DOCK11: variants seen among roughly 807,000 people sequenced by gnomAD.
The protein encoded by DOCK11 is dedicator of cytokinesis protein 11.
A neutral mutation model predicts 169.1 loss-of-function variants in DOCK11; 70 were observed. That is an observed-to-expected ratio of 0.41 (90% CI 0.34 to 0.51). The LOEUF (loss-of-function observed/expected upper bound fraction) is 0.51, where lower values mean the gene tolerates loss of function less well. Ranked by LOEUF, DOCK11 falls within the 20% of genes least tolerant of loss-of-function variation. DOCK11 has a pLI of 0.10. For synonymous variants in DOCK11, 529 were observed against 541.3 expected, an observed-to-expected ratio of 0.98 and a Z score of 0.32; for missense variants, 1,166 against 1,538.8, an observed-to-expected ratio of 0.76 and a Z score of 4.05.
chrX:118,496,073 G>A lies in DOCK11; in HGVS notation c.102G>A (p.Leu34=), dbSNP rs1262941753. The A allele has an allele frequency of 2.9e-6, 3 of 1,028,299 alleles. No homozygotes were observed. Among genetic ancestry groups the A allele is most frequent in the Non-Finnish European group, 3.7e-6 (3 of 806,634 alleles). 84.7% of individuals were successfully genotyped at this position (1,028,299 alleles called of 1,213,427 possible). ...AGGCCGTGCGGGGCTCCGTGGTGCTGGTGAGTGGCCGGGGGACGGGGCATC... is the reference window on the plus strand; with the variant it reads ...AGGCCGTGCGGGGCTCCGTGGTGCTAGTGAGTGGCCGGGGGACGGGGCATC... The part of the protein sequence containing the change: ...VSEAVRGSVV[L]EKAKVVEPLD... Residue 34 remains leucine, a splice_region_variant and synonymous_variant, in exon 1 of 53, where the codon CTG becomes CTA. Coordinates refer to ENST00000276202, the MANE Select transcript of DOCK11 (RefSeq NM_144658.4).
intron 45 of DOCK11, among the ~76,000 whole-genome samples, chrX:118,670,537 A>C (rs915558554): frequency 9.0e-6 from 1 of 111,584 alleles, no homozygotes. Flanking sequence ...AAAAACTAAA[A>C]AAATTTAAAA....
At chrX:118,507,788 T>G (rs776037668) in intron 1 of DOCK11, among the ~76,000 whole-genome samples, 1 of 111,959 alleles carries the variant, frequency 8.9e-6, no homozygotes, top group African/African-American at 3.2e-5. Flanking sequence ...ACCCCTCTTC[T>G]GTAAGTGGGG....
rs1470073870 is a variant in DOCK11 at position 118,572,569 on chromosome X, A to G, written c.1176+106A>G. On this transcript the variant is annotated intron_variant, in intron 11 of 52. Transcript: ENST00000276202. ...CCTCCGTGACATGCAATTTACCTATATAACAAACCTGCACATGTACTCCTG... is the reference window on the plus strand; with the variant it reads ...CCTCCGTGACATGCAATTTACCTATGTAACAAACCTGCACATGTACTCCTG... 5 of 745,803 alleles carry G rather than the reference A, an allele frequency of 6.7e-6. No individual in the cohort carries two copies. In the Admixed American group the frequency reaches 1.0e-4, roughly 15 times the overall value. The allele number at this position is 745,803 out of a possible 1,213,427, so 61.5% of individuals were successfully genotyped here. A position where few individuals can be genotyped will look rare whatever the true frequency, so the allele number is the denominator to read the frequency against.
chrX:118,663,674 C>CTTTT lies in DOCK11; in HGVS notation c.5076+901_5076+904dup, dbSNP rs751159854. Among the ~76,000 whole-genome samples the CTTTT allele has an allele frequency of 4.6e-3, 278 of 60,018 alleles. 5 individuals carry two copies. The highest frequency in any genetic ancestry group is 0.031 in the South Asian group (20 of 639). The allele number at this position is 60,018 out of a possible 115,157, so 52.1% of individuals were successfully genotyped here. A position where few individuals can be genotyped will look rare whatever the true frequency, so the allele number is the denominator to read the frequency against. ...TAGAATATTAAATTGGCATCAAAGTCTTTTTTTTTTTTTTTTTTTTTTATG... is the reference window on the plus strand; with the variant it reads ...TAGAATATTAAATTGGCATCAAAGTCTTTTTTTTTTTTTTTTTTTTTTTTTTATG... On this transcript the variant is annotated intron_variant, in intron 45 of 52. Coordinates refer to ENST00000276202, the MANE Select transcript of DOCK11 (RefSeq NM_144658.4).
chrX:118,530,497 C>T (rs1438309331), intron 1 of DOCK11, among the ~76,000 whole-genome samples: 1 of 112,478 alleles, frequency 8.9e-6, no homozygotes, highest in Admixed American at 9.4e-5. Flanking sequence ...ATGTGGTCCT[C>T]CATAAACGTT....
At chrX:118,675,001 C>T (rs1444612551) in intron 46 of DOCK11, among the ~76,000 whole-genome samples, 1 of 111,310 alleles carries the variant, frequency 9.0e-6, no homozygotes, top group African/African-American at 3.3e-5. Flanking sequence ...GGTCATTTGC[C>T]CATTTTTAAA....
intron 46 of DOCK11, among the ~76,000 whole-genome samples, chrX:118,672,497 A>G (rs764999736): frequency 2.1e-4 from 24 of 112,771 alleles, no homozygotes; most frequent in African/African-American, 7.1e-4. Context: ...CAGTGGCGCT[A>G]TCTCGGCTCA....
intron 20 of DOCK11, among the ~76,000 whole-genome samples, chrX:118,594,349 G>A (rs2014093148): frequency 1.8e-5 from 2 of 111,978 alleles, no homozygotes; most frequent in Admixed American, 1.9e-4. Flanking sequence ...CATACAGGTT[G>A]AGCATCCCAA....
At chrX:118,550,362 CT>C (rs939371521) in intron 6 of DOCK11, among the ~76,000 whole-genome samples, 4 of 110,544 alleles carry the variant, frequency 3.6e-5, no homozygotes, top group Non-Finnish European at 5.7e-5. Context: ...TCACTTCAGC[CT>C]GGGAGGTCGA....
chrX:118,592,329 CTG>C (rs1382588434), intron 19 of DOCK11, among the ~76,000 whole-genome samples: 1 of 86,848 alleles, frequency 1.2e-5, no homozygotes, highest in Non-Finnish European at 2.3e-5. Context: ...GCCACTCTAA[CTG>C]GTGTGAGTTG....
chrX:118,531,412 C>CAAA lies in DOCK11; in HGVS notation c.103-11276_103-11274dup, dbSNP rs60932296. On this transcript the variant is annotated intron_variant, in intron 1 of 52. Transcript: ENST00000276202. ...TCGGGGCTGCAGTGAGCCATATACT[C>CAAA]AAAAAAAAAAAAAAAAAAAAAAAAA... Among the ~76,000 whole-genome samples, 16 of 29,205 alleles carry CAAA rather than the reference C, an allele frequency of 5.5e-4. 3 individuals carry two copies. Among genetic ancestry groups the CAAA allele is most frequent in the Admixed American group, 4.3e-3 (7 of 1,634 alleles). The allele number at this position is 29,205 out of a possible 115,157, so 25.4% of individuals were successfully genotyped here. A position where few individuals can be genotyped will look rare whatever the true frequency, so the allele number is the denominator to read the frequency against.
At position 118,649,461 on chromosome X, in the gene DOCK11, A is replaced by G. The variant is rs577594259; in HGVS notation, c.4581+334A>G. 1.2e-4 allele frequency among the ~76,000 whole-genome samples: 13 copies of G among 112,329 alleles called. 1 individual carries two copies. The highest frequency in any genetic ancestry group is 4.6e-3 in the Middle Eastern group (1 of 218). On this transcript the variant is annotated intron_variant, in intron 41 of 52. Transcript: ENST00000276202. Reference sequence around the variant, plus strand: ...CGTATGTGGCATGTGTCATATTTCTATGGAATAGAGCTGCTCCTGAGCAGA... The same window carrying G: ...CGTATGTGGCATGTGTCATATTTCTGTGGAATAGAGCTGCTCCTGAGCAGA...
intron 6 of DOCK11, among the ~76,000 whole-genome samples, chrX:118,547,148 C>A (rs963977932): frequency 1.1e-4 from 12 of 111,454 alleles, no homozygotes; most frequent in Non-Finnish European, 2.3e-4. Flanking sequence ...AGCAGAAAAA[C>A]AAATTATGCT....
intron 6 of DOCK11, among the ~76,000 whole-genome samples, chrX:118,552,946 G>A (rs929679844): frequency 2.7e-5 from 3 of 111,272 alleles, no homozygotes; most frequent in African/African-American, 9.8e-5. Flanking sequence ...TGGGTGCAGT[G>A]AACATTTAGC....
At chrX:118,498,957 G>A (rs138748478) in intron 1 of DOCK11, among the ~76,000 whole-genome samples, 2,796 of 111,338 alleles carry the variant, frequency 0.025, 52 homozygotes, top group Non-Finnish European at 0.036. Flanking sequence ...AAAGCAGACA[G>A]AGAGACTGTT....
intron 37 of DOCK11, among the ~76,000 whole-genome samples, chrX:118,638,802 G>A (rs1377154392): frequency 4.5e-5 from 5 of 111,772 alleles, no homozygotes; most frequent in African/African-American, 1.6e-4. Flanking sequence ...TTTCCCATAA[G>A]TTGGAGCTGG....
In DOCK11 at chrX:118,528,973, AC is replaced by A. The variant is rs1255727255; in HGVS notation, c.103-13751del. 2.9e-3 allele frequency among the ~76,000 whole-genome samples: 316 copies of A among 107,449 alleles called. 1 individual carries two copies. The highest frequency in any genetic ancestry group is 0.01 in the African/African-American group (302 of 29,253). The allele number at this position is 107,449 out of a possible 115,157, so 93.3% of individuals were successfully genotyped here. A position where few individuals can be genotyped will look rare whatever the true frequency, so the allele number is the denominator to read the frequency against. On this transcript the variant is annotated intron_variant, in intron 1 of 52. Coordinates refer to ENST00000276202, the MANE Select transcript of DOCK11 (RefSeq NM_144658.4). ...TTCAAGTGCGCAACCAATACTGTTT[AC>A]TTTTTCTTTTTTTTCTTTTTTTTTT...
intron 19 of DOCK11, among the ~76,000 whole-genome samples, chrX:118,591,967 A>G (rs2147426989): frequency 9.3e-6 from 1 of 107,020 alleles, no homozygotes; most frequent in South Asian, 4.4e-4. Context: ...TGAGCTCATC[A>G]TTTTTTATGG....
intron 23 of DOCK11, among the ~76,000 whole-genome samples, chrX:118,601,794 T>C (rs1169650216): frequency 1.8e-5 from 2 of 111,454 alleles, no homozygotes; most frequent in Non-Finnish European, 3.8e-5. Context: ...CTTTCTTTTT[T>C]TGAGACAGGG....
Sources: gnomAD v4.1 joint callset for allele counts (sites outside exome capture counted in the v4.1 genomes callset) on GRCh38, gnomAD v4.1.1 for gene constraint, MANE v1.5 for transcripts, NCBI Gene and HGNC (gene_info 2026-07-23, HGNC 2026-07-21) for gene names.